The following ZDHHC17 variants were observed in gnomAD, a reference collection of about 807,000 sequenced individuals.
The protein encoded by ZDHHC17 is zDHHC palmitoyltransferase 17.
Under a neutral mutation model 90.3 loss-of-function variants are expected in ZDHHC17, and 40 were observed. The observed-to-expected ratio is 0.44, with a 90% CI of 0.34 to 0.58. ZDHHC17 has a LOEUF of 0.58. ZDHHC17 is among the 20% of genes least tolerant of loss of function. The pLI, the probability that ZDHHC17 is intolerant of heterozygous loss-of-function variation, is 0.01. For missense variants in ZDHHC17, 614 were observed against 780.8 expected (o/e 0.79, Z 2.55); for synonymous variants, 235 against 252.4 (o/e 0.93, Z 0.65).
intron 3 of ZDHHC17, 36 bp from the exon 4 acceptor site, chr12:76,809,007 A>G (rs1952988575): frequency 7.6e-7 from 1 of 1,317,426 alleles, no homozygotes; most frequent in Non-Finnish European, 1.0e-6. Context: ...ATTGAAAATG[A>G]AAGTTATTTA....
At chr12:76,819,101 C>T (rs1487826733) in intron 7 of ZDHHC17, among the ~76,000 whole-genome samples, 3 of 152,088 alleles carry the variant, frequency 2.0e-5, no homozygotes, top group Non-Finnish European at 2.9e-5. Context: ...AAGAAACCAT[C>T]GTTGATGACT....
intron 2 of ZDHHC17, among the ~76,000 whole-genome samples, chr12:76,800,121 G>T (rs1372475673): frequency 6.6e-6 from 1 of 152,104 alleles, no homozygotes; most frequent in Non-Finnish European, 1.5e-5. Flanking sequence ...ACCTGTACAT[G>T]GTTTTTATTA....
In ZDHHC17 at chr12:76,845,701, A is replaced by T; in HGVS notation, c.1330-8A>T. 3 of 1,566,654 alleles carry T rather than the reference A, an allele frequency of 1.9e-6. No individual in the cohort carries two copies. In the African/African-American group the frequency reaches 4.1e-5, roughly 21 times the overall value. On this transcript the variant is annotated splice_polypyrimidine_tract_variant and splice_region_variant and intron_variant, in intron 12 of 16. Transcript: ENST00000426126. ...CCTTTCATAATCCTTTAACATGCCT[A>T]TTAACAGATACGAAAACCGGTGAGG...
At chr12:76,787,090 T>C (rs1592465362) in intron 1 of ZDHHC17, among the ~76,000 whole-genome samples, 1 of 152,232 alleles carries the variant, frequency 6.6e-6, no homozygotes, top group East Asian at 1.9e-4. Context: ...TACTTGAAGG[T>C]ACTTCTTCCT....
chr12:76,785,871 A>T (rs568156328), intron 1 of ZDHHC17, among the ~76,000 whole-genome samples: 64 of 152,238 alleles, frequency 4.2e-4, no homozygotes, highest in African/African-American at 1.5e-3. Context: ...GCAAACTGGG[A>T]CCACTTCATG....
intron 1 of ZDHHC17, chr12:76,769,000 C>T: frequency 4.0e-6 from 1 of 250,432 alleles, no homozygotes; most frequent in Non-Finnish European, 8.6e-6. Flanking sequence ...TTAAATCAAA[C>T]TATTGCTATT....
chr12:76,806,998 C>CT (rs1318270685), intron 3 of ZDHHC17, among the ~76,000 whole-genome samples: 2 of 152,180 alleles, frequency 1.3e-5, no homozygotes, highest in Non-Finnish European at 2.9e-5. Context: ...TAAAGGTGCA[C>CT]TAAACGTACC....
chr12:76,778,492 G>A (rs533938292), intron 1 of ZDHHC17, among the ~76,000 whole-genome samples: 4 of 152,252 alleles, frequency 2.6e-5, no homozygotes, highest in Non-Finnish European at 4.4e-5. Flanking sequence ...CAGAGTGCTG[G>A]GATTACAGGC....
At chr12:76,797,364 A>G (rs1175436963) in intron 1 of ZDHHC17, 70 bp from the exon 2 acceptor site, 20 of 1,114,812 alleles carry the variant, frequency 1.8e-5, no homozygotes, top group Non-Finnish European at 2.3e-5. Flanking sequence ...AAGCACTACT[A>G]TAAAATATAG....
intron 10 of ZDHHC17, among the ~76,000 whole-genome samples, chr12:76,835,251 A>G (rs897775071): frequency 6.1e-5 from 8 of 130,724 alleles, no homozygotes; most frequent in Non-Finnish European, 1.3e-4. Flanking sequence ...GGGTTTTACC[A>G]TGTTGTCCAA....
Position 76,797,407 on chromosome 12 carries a change from G to T in ZDHHC17, c.94-27G>T, listed in dbSNP as rs756024820. 5.9e-6 allele frequency: 9 copies of T among 1,522,480 alleles called. No homozygotes were observed. The African/African-American group carries it at 8.4e-5, about 14-fold the overall frequency. 94.3% of individuals were successfully genotyped at this position (1,522,480 alleles called of 1,614,324 possible). The stretch of plus-strand genomic sequence containing the variant: ...TTCTGTACCTCTTTTTTCAATTCTT[G>T]CCTGTGTGTGATTTTCTTTTTAACA... On this transcript the variant is annotated intron_variant, in intron 1 of 16. Coordinates refer to ENST00000426126, the MANE Select transcript of ZDHHC17 (RefSeq NM_015336.4).
intron 13 of ZDHHC17, 143 bp from the exon 14 acceptor site, chr12:76,846,453 C>T (rs1453393342): frequency 5.1e-6 from 3 of 592,716 alleles, no homozygotes; most frequent in Admixed American, 3.3e-5. Flanking sequence ...AACATTTTTC[C>T]TGAAAACCAC....
chr12:76,833,399 T>C (rs1437208859), intron 10 of ZDHHC17, among the ~76,000 whole-genome samples: 3 of 152,206 alleles, frequency 2.0e-5, no homozygotes, highest in African/African-American at 7.2e-5. Flanking sequence ...CCTGATTCAG[T>C]GTATCTTCAA....
chr12:76,778,988 G>A (rs1007717657), intron 1 of ZDHHC17, among the ~76,000 whole-genome samples: 2 of 152,118 alleles, frequency 1.3e-5, no homozygotes, highest in Non-Finnish European at 2.9e-5. Context: ...TAAAAGGACA[G>A]TAATCACATT....
At chr12:76,846,539 G>A (rs368197523) in intron 13 of ZDHHC17, 57 bp from the exon 14 acceptor site, 60 of 1,308,072 alleles carry the variant, frequency 4.6e-5, no homozygotes, top group African/African-American at 5.8e-5. Context: ...CCTCAAAGGT[G>A]CATTACCCGT....
At chr12:76,840,069 G>A in intron 10 of ZDHHC17, 1 of 152,084 alleles carries the variant, frequency 6.6e-6, no homozygotes, top group African/African-American at 2.4e-5. Context: ...CTGTAAAGTG[G>A]GGATAATAGC....
intron 1 of ZDHHC17, among the ~76,000 whole-genome samples, chr12:76,783,224 T>C (rs985104920): frequency 2.0e-5 from 3 of 152,214 alleles, no homozygotes; most frequent in Non-Finnish European, 4.4e-5. Flanking sequence ...ACTCCAGTCA[T>C]GTGTATTAGT....
intron 2 of ZDHHC17, among the ~76,000 whole-genome samples, chr12:76,802,516 G>A (rs769784269): frequency 1.3e-5 from 2 of 152,016 alleles, no homozygotes; most frequent in Non-Finnish European, 2.9e-5. Context: ...TATTCTCTCT[G>A]TCCCTTTCTC....
chr12:76,772,404 G>A (rs1952502934), intron 1 of ZDHHC17, among the ~76,000 whole-genome samples: 1 of 152,022 alleles, frequency 6.6e-6, no homozygotes, highest in Non-Finnish European at 1.5e-5. Flanking sequence ...CCTCAGTATG[G>A]ACATTCTACA....
Sources: allele counts gnomAD v4.1 joint callset (sites outside exome capture counted in the v4.1 genomes callset), GRCh38; gene constraint gnomAD v4.1.1; transcripts MANE v1.5; gene names NCBI Gene and HGNC (gene_info 2026-07-23, HGNC 2026-07-21).